Variants in MYO7B observed in about 807,000 individuals in gnomAD.
The protein encoded by MYO7B is unconventional myosin-VIIb.
MYO7B carries 212 observed loss-of-function variants against 259.7 expected under a neutral mutation model. The observed-to-expected ratio is 0.82, with a 90% CI of 0.73 to 0.91. MYO7B has a LOEUF of 0.91. Among genes scored for constraint, MYO7B ranks in the 40% least tolerant of loss-of-function variants. The probability of loss-of-function intolerance (pLI) is 0.00; values close to 1 mark genes in which losing one functional copy is unlikely to be tolerated. For missense variants in MYO7B, 2,732 were observed against 2,813.5 expected (o/e 0.97, Z 0.66); for synonymous variants, 1,197 against 1,166.4 (o/e 1.03, Z -0.54).
At chr2:127,567,771 C>T (rs1055839536) in intron 5 of MYO7B, among the ~76,000 whole-genome samples, 1 of 152,168 alleles carries the variant, frequency 6.6e-6, no homozygotes, top group African/African-American at 2.4e-5. Context: ...ACAAAAGGGA[C>T]CAGAATCCCT....
chr2:127,617,286 G>A (rs944710633), intron 26 of MYO7B, among the ~76,000 whole-genome samples: 1 of 152,184 alleles, frequency 6.6e-6, no homozygotes, highest in Non-Finnish European at 1.5e-5. Flanking sequence ...GATAGGTGCT[G>A]TAGGTGGGGC....
intron 1 of MYO7B, among the ~76,000 whole-genome samples, chr2:127,550,484 G>A (rs561864591): frequency 7.1e-4 from 108 of 152,068 alleles, no homozygotes; most frequent in African/African-American, 2.5e-3. Flanking sequence ...CCTTGAACCC[G>A]GGAGACAGAG....
Position 127,578,259 on chromosome 2 carries a change from C to G in MYO7B, c.976C>G (p.Leu326Val). 1.9e-6 allele frequency: 3 copies of G among 1,613,668 alleles called. No individual in the cohort carries two copies. The highest frequency in any genetic ancestry group is 2.5e-6 in the Non-Finnish European group (3 of 1,179,852). ...CGTCATCAAGCTGCTGGCTGCCATT[C>G]TCCACCTGGGGAATGTGGGGTTCAT... ...WDVIKLLAAILHLGNVGFMAS... is the reference protein window; with the variant it reads ...WDVIKLLAAIVHLGNVGFMAS... Residue 326 changes from leucine to valine, a missense_variant, in exon 9 of 48, where the codon CTC becomes GTC. Physicochemically the swap from Leu to Val is conservative, Grantham distance 32 (BLOSUM62 1). Around this residue, in one of 3 missense-constraint regions of MYO7B, gnomAD observed 1,906 missense variants for 2,026.4 expected, o/e 0.94. Coordinates refer to ENST00000409816, the MANE Select transcript of MYO7B (RefSeq NM_001393586.1).
chr2:127,631,042 T>G, intron 36 of MYO7B, 134 bp downstream of exon 36: 1 of 1,354,702 alleles, frequency 7.4e-7, no homozygotes, highest in Non-Finnish European at 1.0e-6. Flanking sequence ...ACGCCACCCA[T>G]GTGGAGCCTG....
chr2:127,636,151 C>CTGCCT lies in MYO7B; in HGVS notation c.6007-57_6007-56insTGCCT. 7.0e-7 allele frequency: 1 copy of CTGCCT among 1,433,878 alleles called. No homozygotes were observed. Among genetic ancestry groups the CTGCCT allele is most frequent in the Non-Finnish European group, 9.7e-7 (1 of 1,026,570 alleles). The allele number at this position is 1,433,878 out of a possible 1,614,324, so 88.8% of individuals were successfully genotyped here. Reference sequence around the variant, plus strand: ...TGGGGTAGGCAGGTGCTGCCCCCACCAGGGCTTTGGAGGGCCTCTGGGCAC... The same window carrying CTGCCT: ...TGGGGTAGGCAGGTGCTGCCCCCACCTGCCTAGGGCTTTGGAGGGCCTCTGGGCAC... On this transcript the variant is annotated intron_variant, in intron 44 of 47. Coordinates refer to ENST00000409816, the MANE Select transcript of MYO7B (RefSeq NM_001393586.1). This position sits in a 1 kb window ranked among gnomAD's most constrained non-coding sequence, Gnocchi z 4.5.
Position 127,584,694 on chromosome 2 carries a change from G to A in MYO7B, c.1555-84G>A. The A allele has an allele frequency of 6.6e-7, 1 of 1,506,836 alleles. No individual in the cohort carries two copies. The highest frequency in any genetic ancestry group is 1.2e-5 in the South Asian group (1 of 81,668). 93.3% of individuals were successfully genotyped at this position (1,506,836 alleles called of 1,614,324 possible). ...AATCATTCTGAGCCCAGATCTCTTT[G>A]CCTCCATGAGGAAGTCCCTGAGCCT... is the stretch of plus-strand genomic sequence containing the variant. On this transcript the variant is annotated intron_variant, in intron 13 of 47. Coordinates refer to ENST00000409816, the MANE Select transcript of MYO7B (RefSeq NM_001393586.1). This position sits in a 1 kb window ranked among gnomAD's most constrained non-coding sequence, Gnocchi z 5.8.
Position 127,577,623 on chromosome 2 carries a change from T to C in MYO7B, c.850-510T>C, listed in dbSNP as rs1678924746. Among the ~76,000 whole-genome samples, 2 of 152,110 alleles carry C rather than the reference T, an allele frequency of 1.3e-5. No individual in the cohort carries two copies. Among genetic ancestry groups the C allele is most frequent in the African/African-American group, 4.8e-5 (2 of 41,422 alleles). On this transcript the variant is annotated intron_variant, in intron 8 of 47. Coordinates refer to ENST00000409816, the MANE Select transcript of MYO7B (RefSeq NM_001393586.1). This position sits in a 1 kb window ranked among gnomAD's most constrained non-coding sequence, Gnocchi z 5.2. ...CATCCTCTGCCTAAACTGCCCTCTGTCCTCAGAGGCGGTGGGGCCAGCTCT... is the reference window on the plus strand; with the variant it reads ...CATCCTCTGCCTAAACTGCCCTCTGCCCTCAGAGGCGGTGGGGCCAGCTCT...
chr2:127,563,531 T>C (rs1313415471), intron 2 of MYO7B, among the ~76,000 whole-genome samples: 4 of 152,132 alleles, frequency 2.6e-5, no homozygotes, highest in Non-Finnish European at 5.9e-5. Context: ...CCTGCAAATA[T>C]GGTGTTTCCT....
chr2:127,560,027 TTTC>T (rs1678006555), intron 2 of MYO7B, among the ~76,000 whole-genome samples: 3 of 117,944 alleles, frequency 2.5e-5, no homozygotes, highest in African/African-American at 6.3e-5. Context: ...TTTCTTTTCT[TTTC>T]TTTTTTTTTT....
chr2:127,593,653 C>T lies in MYO7B; in HGVS notation c.2244+9C>T. On this transcript the variant is annotated intron_variant, in intron 18 of 47. Coordinates refer to ENST00000409816, the MANE Select transcript of MYO7B (RefSeq NM_001393586.1). ...CAAAAATTTTCCTGAGGGTGAGACC[C>T]CGAGGAACCAGCCAGCTGTCGGCCT... is the stretch of plus-strand genomic sequence containing the variant. 1 of 1,612,824 alleles carries T rather than the reference C, an allele frequency of 6.2e-7. No homozygotes were observed. The highest frequency in any genetic ancestry group is 1.3e-5 in the African/African-American group (1 of 75,052).
At chr2:127,593,450 G>A (rs1679646601) in intron 17 of MYO7B, 96 bp from the exon 18 acceptor site, 2 of 1,230,072 alleles carry the variant, frequency 1.6e-6, no homozygotes, top group Non-Finnish European at 2.3e-6. Flanking sequence ...CCCTGATGGG[G>A]GAGCCTGTGG....
Position 127,604,253 on chromosome 2 carries a change from T to G in MYO7B, c.2340-1591T>G, listed in dbSNP as rs140636695. On this transcript the variant is annotated intron_variant, in intron 19 of 47. Coordinates refer to ENST00000409816, the MANE Select transcript of MYO7B (RefSeq NM_001393586.1). ...CACTTGCTGCTTCACCTTGCACTTT[T>G]ATGTTATAGAAGTGGCTTCTTTCCT... 3.4e-3 allele frequency among the ~76,000 whole-genome samples: 521 copies of G among 152,372 alleles called. 5 individuals carry two copies. The highest frequency in any genetic ancestry group is 0.012 in the African/African-American group (500 of 41,598).
chr2:127,543,193 G>A (rs112278192), intron 1 of MYO7B, among the ~76,000 whole-genome samples: 4,476 of 152,236 alleles, frequency 0.029, 231 homozygotes, highest in African/African-American at 0.1. Context: ...GCTATCACAT[G>A]GGGAGAAATC....
rs1678065675 is a variant in MYO7B, at chr2:127,561,052, A to G, written c.18+1312A>G. Among the ~76,000 whole-genome samples the G allele has an allele frequency of 2.0e-5, 3 of 152,134 alleles. No individual in the cohort carries two copies. In the South Asian group the frequency reaches 6.2e-4, roughly 32 times the overall value. On this transcript the variant is annotated intron_variant, in intron 2 of 47. Transcript: ENST00000409816. ...CTGGTAACTAAGTTGCAAACATGAG[A>G]GCGTGGCTCCACTTTGGAGCATGAT...
intron 30 of MYO7B, among the ~76,000 whole-genome samples, chr2:127,625,103 C>G (rs10205040): frequency 0.06 from 9,143 of 152,284 alleles, 385 homozygotes; most frequent in South Asian, 0.15. Context: ...TCACTCAGAG[C>G]AACCCTGCTG....
intron 42 of MYO7B, chr2:127,634,919 G>A (rs1367788262): frequency 1.1e-5 from 7 of 639,628 alleles, no homozygotes; most frequent in Non-Finnish European, 1.9e-5. Flanking sequence ...ACCCTCATGG[G>A]CTGGGAGTGC....
chr2:127,629,535 C>A, intron 34 of MYO7B, 110 bp from the exon 35 acceptor site: 2 of 1,104,804 alleles, frequency 1.8e-6, no homozygotes, highest in Non-Finnish European at 1.3e-6. Flanking sequence ...GGTCTTCTGC[C>A]CACCACTCTA....
intron 15 of MYO7B, 24 bp downstream of exon 15, chr2:127,588,579 G>C: frequency 1.2e-6 from 2 of 1,612,068 alleles, no homozygotes; most frequent in Non-Finnish European, 1.7e-6. Context: ...CACCCTCCTG[G>C]GTCTGTCACC....
intron 6 of MYO7B, among the ~76,000 whole-genome samples, chr2:127,570,948 A>G (rs1678576906): frequency 6.6e-6 from 1 of 152,196 alleles, no homozygotes; most frequent in South Asian, 2.1e-4. Flanking sequence ...AATGCTGAGT[A>G]GAATTCCATT....
Sources: gnomAD v4.1 joint callset for allele counts (sites outside exome capture counted in the v4.1 genomes callset) on GRCh38, gnomAD v4.1.1 for gene constraint, gnomAD v4.1.1 regional missense constraint, Gnocchi (gnomAD v3.1) non-coding constraint, MANE v1.5 for transcripts, NCBI Gene and HGNC (gene_info 2026-07-23, HGNC 2026-07-21) for gene names.